LCORL: variants seen among roughly 807,000 people sequenced by gnomAD.
The protein encoded by LCORL is ligand-dependent nuclear receptor corepressor-like protein.
In LCORL, 41 loss-of-function variants were observed where a neutral mutation model predicts 141.8. The ratio of observed to expected loss-of-function variants is 0.29; its 90% CI spans 0.23 to 0.38. LCORL has a LOEUF of 0.38. Among genes scored for constraint, LCORL ranks in the 10% least tolerant of loss-of-function variants. LCORL has a pLI of 1.00. For synonymous variants in LCORL, 618 were observed against 694.1 expected, an observed-to-expected ratio of 0.89 and a Z score of 1.72; for missense variants, 1,759 against 2,035.0, an observed-to-expected ratio of 0.86 and a Z score of 2.61.
chr4:17,932,947 G>A (rs1736282131), intron 4 of LCORL, among the ~76,000 whole-genome samples: 2 of 152,152 alleles, frequency 1.3e-5, no homozygotes, highest in Admixed American at 1.3e-4. Flanking sequence ...ACATGAAATA[G>A]AACTTGACTG....
chr4:17,962,571 G>C (rs1336094674), intron 3 of LCORL, among the ~76,000 whole-genome samples: 1 of 152,026 alleles, frequency 6.6e-6, no homozygotes, highest in Admixed American at 6.6e-5. Flanking sequence ...TCAAGAGTAA[G>C]TGAAAGGCTA....
At chr4:17,908,297 G>A (rs1326581727) in intron 5 of LCORL, among the ~76,000 whole-genome samples, 2 of 152,148 alleles carry the variant, frequency 1.3e-5, no homozygotes, top group Non-Finnish European at 2.9e-5. Context: ...CTCCCAAAGT[G>A]CTGGGATTAC....
chr4:17,849,006 T>C (rs1723287605), intron 7 of LCORL, among the ~76,000 whole-genome samples: 2 of 152,056 alleles, frequency 1.3e-5, no homozygotes, highest in African/African-American at 4.8e-5. Context: ...CCAGGCTTGC[T>C]TAGGTAAACA....
Position 17,884,714 on chromosome 4 carries a change from C to T in LCORL, c.776+1354G>A. ...GAGCAAACCATCTGCAAACTCAGCA[C>T]TTCTTTCCACATAGTCCTCTCTGTT... is the stretch of plus-strand genomic sequence containing the variant. On this transcript the variant is annotated intron_variant, in intron 6 of 7. Coordinates refer to ENST00000635767, the Ensembl canonical transcript of LCORL. The surrounding 1 kb of genome is among the most constrained non-coding windows in gnomAD (Gnocchi z 4.4). The T allele has an allele frequency of 2.0e-6, 3 of 1,502,804 alleles. No individual in the cohort carries two copies. Among genetic ancestry groups the T allele is most frequent in the Non-Finnish European group, 2.7e-6 (3 of 1,128,390 alleles). The allele number at this position is 1,502,804 out of a possible 1,614,324, so 93.1% of individuals were successfully genotyped here.
intron 1 of LCORL, among the ~76,000 whole-genome samples, chr4:18,000,746 T>C (rs1380829591): frequency 7.2e-5 from 11 of 152,172 alleles, no homozygotes; most frequent in Admixed American, 3.9e-4. Context: ...GAGAATACTA[T>C]TCATATTTTA....
At chr4:17,847,069 C>A (rs910504899) in intron 7 of LCORL, among the ~76,000 whole-genome samples, 1 of 152,160 alleles carries the variant, frequency 6.6e-6, no homozygotes, top group South Asian at 2.1e-4. Flanking sequence ...ATCACAGACA[C>A]GTGACAGTCA....
chr4:17,880,901 CTA>C (rs1727479562), intron 6 of LCORL: 1 of 915,786 alleles, frequency 1.1e-6, no homozygotes, highest in African/African-American at 1.8e-5. Flanking sequence ...AACTAATTGC[CTA>C]ACAATCAGTT....
At chr4:17,895,034 A>G (rs1479575145) in intron 5 of LCORL, among the ~76,000 whole-genome samples, 1 of 149,096 alleles carries the variant, frequency 6.7e-6, no homozygotes, top group Non-Finnish European at 1.5e-5. Flanking sequence ...TATATATATA[A>G]TATATATAAA....
Position 17,883,439 on chromosome 4 carries a change from C to T in LCORL, c.776+2629G>A, listed in dbSNP as rs1311460864. The T allele has an allele frequency of 2.0e-5, 23 of 1,152,638 alleles. No homozygotes were observed. In the South Asian group the frequency reaches 4.5e-4, roughly 23 times the overall value. 71.4% of individuals were successfully genotyped at this position (1,152,638 alleles called of 1,614,324 possible). ...TTATGCTATTGACTACTAAAGAAAA[C>T]CTGAATCTTTTTCACCTATTTATAC... On this transcript the variant is annotated intron_variant, in intron 6 of 7. Coordinates refer to ENST00000635767, the Ensembl canonical transcript of LCORL.
chr4:17,999,544 T>C (rs1283951388), intron 1 of LCORL, among the ~76,000 whole-genome samples: 1 of 152,128 alleles, frequency 6.6e-6, no homozygotes, highest in Non-Finnish European at 1.5e-5. Flanking sequence ...CACCCTCTTA[T>C]ATGTGGTCTG....
At chr4:17,866,992 A>C (rs1022785461) in intron 7 of LCORL, 2 of 985,318 alleles carry the variant, frequency 2.0e-6, no homozygotes, top group African/African-American at 3.5e-5. Flanking sequence ...GTGACCCTTG[A>C]ACTTACCTCA....
intron 4 of LCORL, among the ~76,000 whole-genome samples, chr4:17,931,954 T>C (rs1022314043): frequency 1.4e-4 from 22 of 152,172 alleles, no homozygotes; most frequent in African/African-American, 5.3e-4. Flanking sequence ...AGGAGGATGG[T>C]TGCTAATGTT....
At chr4:17,894,590 G>C (rs1177028872) in intron 5 of LCORL, among the ~76,000 whole-genome samples, 2 of 152,142 alleles carry the variant, frequency 1.3e-5, no homozygotes, top group African/African-American at 4.8e-5. Flanking sequence ...CAGTTTTGTA[G>C]ATCTCTTTAA....
intron 2 of LCORL, among the ~76,000 whole-genome samples, chr4:17,970,084 A>G (rs927499818): frequency 6.6e-6 from 1 of 152,262 alleles, no homozygotes; most frequent in South Asian, 2.1e-4. Flanking sequence ...TTAACTTAAA[A>G]CATGTATTTA....
intron 5 of LCORL, among the ~76,000 whole-genome samples, chr4:17,908,824 CTT>C (rs761538349): frequency 1.3e-5 from 2 of 151,934 alleles, no homozygotes; most frequent in African/African-American, 2.4e-5. Context: ...TATTTATATC[CTT>C]TGTTTATATG....
chr4:17,947,305 G>A (rs929143775), intron 4 of LCORL, among the ~76,000 whole-genome samples: 1 of 151,942 alleles, frequency 6.6e-6, no homozygotes, highest in African/African-American at 2.4e-5. Flanking sequence ...AATATTGCAT[G>A]TCTTCACTTA....
At chr4:17,843,506 C>A in exon 8 of LCORL, 2 of 1,474,610 alleles carry the variant, frequency 1.4e-6, no homozygotes, top group African/African-American at 1.4e-5. Context: ...TTGTCAAAAT[C>A]AGAACAAACC....
chr4:18,016,742 G>T (rs889189608), intron 1 of LCORL, among the ~76,000 whole-genome samples: 6 of 152,010 alleles, frequency 3.9e-5, no homozygotes, highest in Admixed American at 1.3e-4. Context: ...GTGGTTATTA[G>T]AAGACTTAAA....
chr4:17,989,290 A>C lies in LCORL; in HGVS notation c.155-16405T>G, dbSNP rs1330207250. 3.9e-5 allele frequency among the ~76,000 whole-genome samples: 6 copies of C among 152,250 alleles called. No individual in the cohort carries two copies. The South Asian group carries it at 1.2e-3, about 32-fold the overall frequency. ...AGTTCTTCTAACATTTTGAAGTCAC[A>C]TACTATACTTGTCATAGATTTTTTG... On this transcript the variant is annotated intron_variant, in intron 1 of 7. Transcript: ENST00000635767.
Sources: gnomAD v4.1 joint callset for allele counts (sites outside exome capture counted in the v4.1 genomes callset) on GRCh38, gnomAD v4.1.1 for gene constraint, Gnocchi (gnomAD v3.1) non-coding constraint, MANE v1.5 for transcripts, NCBI Gene and HGNC (gene_info 2026-07-23, HGNC 2026-07-21) for gene names.